Variants in USP10 observed in about 807,000 individuals in gnomAD.
The protein encoded by USP10 is ubiquitin specific peptidase 10.
USP10 carries 22 observed loss-of-function variants against 84.5 expected under a neutral mutation model. The observed-to-expected ratio is 0.26, with a 90% CI of 0.19 to 0.37. The LOEUF (loss-of-function observed/expected upper bound fraction) is 0.37. Among genes scored for constraint, USP10 ranks in the 10% least tolerant of loss-of-function variants. The pLI is 1.00. For synonymous variants in USP10, 454 were observed against 387.6 expected (o/e 1.17, Z -2.01); for missense variants, 1,019 against 998.9 (o/e 1.02, Z -0.27).
At chr16:84,740,970 T>G (rs1910552365) in intron 3 of USP10, among the ~76,000 whole-genome samples, 1 of 152,254 alleles carries the variant, frequency 6.6e-6, no homozygotes, top group Non-Finnish European at 1.5e-5. Context: ...CCAACAAGGT[T>G]GTTTAATTAT....
intron 1 of USP10, among the ~76,000 whole-genome samples, chr16:84,721,390 T>C (rs1372966849): frequency 6.6e-6 from 1 of 152,220 alleles, no homozygotes; most frequent in Non-Finnish European, 1.5e-5. Context: ...ACTGTGGCCA[T>C]TGGTCTTCAA....
chr16:84,715,800 C>G (rs1373660167), intron 1 of USP10, among the ~76,000 whole-genome samples: 1 of 152,120 alleles, frequency 6.6e-6, no homozygotes, highest in African/African-American at 2.4e-5. Flanking sequence ...GACGTGGCTT[C>G]TTTTCATTTT....
At chr16:84,721,084 G>T (rs574850151) in intron 1 of USP10, among the ~76,000 whole-genome samples, 1 of 151,896 alleles carries the variant, frequency 6.6e-6, no homozygotes, top group South Asian at 2.1e-4. Context: ...AGTAAAGACG[G>T]GGTTTCACCA....
intron 1 of USP10, among the ~76,000 whole-genome samples, chr16:84,724,601 TAGTG>T (rs1247172969): frequency 6.6e-6 from 1 of 152,140 alleles, no homozygotes; most frequent in African/African-American, 2.4e-5. Flanking sequence ...ATAGCCCTAT[TAGTG>T]AGGGAACAAA....
At chr16:84,704,689 C>A in intron 1 of USP10, 1 of 1,475,544 alleles carries the variant, frequency 6.8e-7, no homozygotes, top group Non-Finnish European at 9.0e-7. Context: ...GATGTAGAAT[C>A]TTCAGATCCT....
chr16:84,742,441 G>A (rs1910730764), intron 3 of USP10, among the ~76,000 whole-genome samples: 1 of 152,186 alleles, frequency 6.6e-6, no homozygotes, highest in African/African-American at 2.4e-5. Flanking sequence ...AACTCTCTGA[G>A]CAGGGCCCTT....
At chr16:84,732,961 T>A (rs1214177454) in intron 1 of USP10, 1 of 405,496 alleles carries the variant, frequency 2.5e-6, no homozygotes, top group African/African-American at 2.1e-5. Flanking sequence ...TATATAGATA[T>A]TTTTAAAGAT....
intron 1 of USP10, among the ~76,000 whole-genome samples, chr16:84,712,548 G>A (rs1156329295): frequency 2.0e-5 from 3 of 152,180 alleles, no homozygotes; most frequent in African/African-American, 4.8e-5. Context: ...GACTGCTTAT[G>A]GTTGTTTTTG....
At chr16:84,752,644 C>A (rs6564074) in intron 4 of USP10, among the ~76,000 whole-genome samples, 97,719 of 152,072 alleles carry the variant, frequency 0.64, 32,059 homozygotes, top group East Asian at 0.82. Flanking sequence ...CTGACTTTTG[C>A]ATGATAACAA....
chr16:84,753,432 T>C (rs1912164754), intron 4 of USP10, among the ~76,000 whole-genome samples: 1 of 152,196 alleles, frequency 6.6e-6, no homozygotes, highest in South Asian at 2.1e-4. Context: ...CTCTTTATTT[T>C]CTAGGGGGGA....
chr16:84,772,933 G>A (rs1380384483), intron 12 of USP10, among the ~76,000 whole-genome samples: 1 of 152,106 alleles, frequency 6.6e-6, no homozygotes, highest in Admixed American at 6.5e-5. Flanking sequence ...AGCAGCTTTT[G>A]TCTATCAAAA....
intron 1 of USP10, among the ~76,000 whole-genome samples, chr16:84,702,672 A>G (rs1049011414): frequency 2.0e-5 from 3 of 152,126 alleles, no homozygotes; most frequent in Non-Finnish European, 4.4e-5. Context: ...CACTGAGAAT[A>G]ATGGGAGGTG....
At chr16:84,770,566 A>T (rs1481217631) in intron 11 of USP10, among the ~76,000 whole-genome samples, 1 of 152,058 alleles carries the variant, frequency 6.6e-6, no homozygotes, top group Non-Finnish European at 1.5e-5. Context: ...AGGTCAGGAG[A>T]TCGAGACCAT....
At chr16:84,711,519 G>T (rs952980509) in intron 1 of USP10, among the ~76,000 whole-genome samples, 2 of 152,174 alleles carry the variant, frequency 1.3e-5, no homozygotes, top group Non-Finnish European at 2.9e-5. Context: ...TTTTGCTGTT[G>T]TTGCTCATGG....
chr16:84,766,946 G>A (rs184228568), intron 10 of USP10, among the ~76,000 whole-genome samples: 8 of 152,090 alleles, frequency 5.3e-5, no homozygotes, highest in East Asian at 3.9e-4. Flanking sequence ...AGACTTCCCC[G>A]CCTTTCTTCC....
chr16:84,757,544 G>A (rs759211146), intron 4 of USP10, among the ~76,000 whole-genome samples: 17 of 151,996 alleles, frequency 1.1e-4, no homozygotes, highest in South Asian at 8.3e-4. Flanking sequence ...ATTTTTGAGC[G>A]ATGCCTTAGA....
chr16:84,710,387 ACT>A (rs1332506450), intron 1 of USP10, among the ~76,000 whole-genome samples: 6 of 151,798 alleles, frequency 4.0e-5, no homozygotes, highest in African/African-American at 9.7e-5. Context: ...CTGGGACTCT[ACT>A]CTCTGCTCAT....
intron 11 of USP10, among the ~76,000 whole-genome samples, chr16:84,768,945 T>G (rs1365245819): frequency 6.6e-6 from 1 of 152,216 alleles, no homozygotes; most frequent in Non-Finnish European, 1.5e-5. Context: ...GTCAACTCAG[T>G]TGGGCGAGAC....
chr16:84,750,819 C>G (rs1487314674), intron 4 of USP10, among the ~76,000 whole-genome samples: 1 of 152,200 alleles, frequency 6.6e-6, no homozygotes, highest in African/African-American at 2.4e-5. Context: ...ACTAGGAAAA[C>G]TGAGCTCTTG....
Sources: gnomAD v4.1 joint callset for allele counts (sites outside exome capture counted in the v4.1 genomes callset) on GRCh38, gnomAD v4.1.1 for gene constraint, MANE v1.5 for transcripts, NCBI Gene and HGNC (gene_info 2026-07-23, HGNC 2026-07-21) for gene names.